The following MORC2 variants were observed in gnomAD, a reference collection of about 807,000 sequenced individuals.
The protein encoded by MORC2 is MORC family CW-type zinc finger 2.
MORC2 carries 30 observed loss-of-function variants against 136.0 expected under a neutral mutation model. The observed-to-expected ratio is 0.22, with a 90% CI of 0.17 to 0.30. The LOEUF (loss-of-function observed/expected upper bound fraction) is 0.30, where lower values mean the gene tolerates loss of function less well. Ranked by LOEUF, MORC2 falls within the 10% of genes least tolerant of loss-of-function variation. The pLI is 1.00. For missense variants in MORC2, 922 were observed against 1,333.1 expected (o/e 0.69, Z 4.80); for synonymous variants, 439 against 487.0 (o/e 0.90, Z 1.30).
intron 5 of MORC2, among the ~76,000 whole-genome samples, chr22:30,948,604 G>A (rs2040849844): frequency 6.6e-6 from 1 of 152,228 alleles, no homozygotes; most frequent in African/African-American, 2.4e-5. Context: ...AGTAGCGGAA[G>A]TGAGATTTGA....
intron 1 of MORC2, among the ~76,000 whole-genome samples, chr22:30,960,019 G>A (rs1296920222): frequency 1.3e-5 from 2 of 152,228 alleles, no homozygotes; most frequent in African/African-American, 2.4e-5. Flanking sequence ...CCAGGCTGGA[G>A]TGCGATGGCA....
chr22:30,939,384 G>A (rs937411891), intron 12 of MORC2, among the ~76,000 whole-genome samples: 4 of 152,130 alleles, frequency 2.6e-5, no homozygotes, highest in Non-Finnish European at 5.9e-5. Flanking sequence ...GGGAAGAAAA[G>A]GTAAGACAGT....
chr22:30,932,975 G>A lies in MORC2; in HGVS notation c.2436C>T (p.Val812=), dbSNP rs1175003244. 6.2e-7 allele frequency: 1 copy of A among 1,614,176 alleles called. No individual in the cohort carries two copies. Residue 812 remains valine (V), a synonymous_variant, in exon 22 of 26, where the codon GTC becomes GTT. Coordinates refer to ENST00000397641, the MANE Select transcript of MORC2 (RefSeq NM_001303256.3). This position sits in a 1 kb window ranked among gnomAD's most constrained non-coding sequence, Gnocchi z 4.4. ...RVNREWYTGR[V]TAVEVGKHVV... Reference sequence around the variant, plus strand: ...CATGCTTGCCCACCTCCACGGCTGTGACACGGCCCGTGTACCACTCCCTGT... The same window carrying A: ...CATGCTTGCCCACCTCCACGGCTGTAACACGGCCCGTGTACCACTCCCTGT...
intron 3 of MORC2, among the ~76,000 whole-genome samples, chr22:30,950,803 T>C (rs548373928): frequency 3.9e-5 from 6 of 152,322 alleles, no homozygotes; most frequent in Admixed American, 6.5e-5. Flanking sequence ...CCCTATGCCA[T>C]AGACCCCAAG....
chr22:30,934,331 ACAGG>A lies in MORC2; in HGVS notation c.2194-144_2194-141del, dbSNP rs368542571. 86 of 1,253,750 alleles carry A rather than the reference ACAGG, an allele frequency of 6.9e-5. 2 individuals are homozygous for A. The East Asian group carries it at 1.7e-3, about 25-fold the overall frequency. 77.7% of individuals were successfully genotyped at this position (1,253,750 alleles called of 1,614,324 possible). ...CTGCCTGACATTACTTGGAATGTAC[ACAGG>A]CAACCCACTGGCCCCTGCGCCATAA... On this transcript the variant is annotated intron_variant, in intron 19 of 25. Transcript: ENST00000397641. This position sits in a 1 kb window ranked among gnomAD's most constrained non-coding sequence, Gnocchi z 4.4.
intron 6 of MORC2, among the ~76,000 whole-genome samples, chr22:30,942,960 G>A (rs1048432709): frequency 2.0e-5 from 3 of 151,972 alleles, no homozygotes; most frequent in South Asian, 4.2e-4. Context: ...AGCTGAGATC[G>A]TGCCACTGCA....
At chr22:30,947,403 G>C (rs780678300) in intron 5 of MORC2, among the ~76,000 whole-genome samples, 12 of 152,236 alleles carry the variant, frequency 7.9e-5, no homozygotes, top group Non-Finnish European at 1.6e-4. Context: ...CAATGGGGCT[G>C]TTCAGCTCCT....
At position 30,946,433 on chromosome 22, in the gene MORC2, C is replaced by A; in HGVS notation, c.334G>T (p.Gly112Trp). 6.2e-7 allele frequency: 1 copy of A among 1,609,870 alleles called. No homozygotes were observed. The highest frequency in any genetic ancestry group is 8.5e-7 in the Non-Finnish European group (1 of 1,178,036). The change falls in exon 6 of 26, where the codon GGG becomes TGG. Residue 112 changes from glycine (G) to tryptophan (W), a missense_variant. Gly to Trp is a radical substitution (Grantham distance 184, BLOSUM62 -2). Transcript: ENST00000397641. The part of the protein sequence containing the change: ...NGLKSGSMRI[G>W]KDFILFTKKE... ...TTGGTGAACAGGATAAAATCCTTCC[C>A]AATGCGCATTGAGCCCCTGAAAAGG...
chr22:30,959,199 G>T (rs191182143), intron 1 of MORC2, among the ~76,000 whole-genome samples: 1 of 152,172 alleles, frequency 6.6e-6, no homozygotes, highest in Admixed American at 6.5e-5. Context: ...TGATAACTGT[G>T]TATTTACTCA....
Position 30,925,299 on chromosome 22 carries a change from G to C in MORC2, c.*1504C>G, listed in dbSNP as rs1007448829. 7.1e-6 allele frequency: 2 copies of C among 279,734 alleles called. No homozygotes were observed. Among genetic ancestry groups the C allele is most frequent in the East Asian group, 2.1e-4 (2 of 9,462 alleles). The allele number at this position is 279,734 out of a possible 1,614,324, so 17.3% of individuals were successfully genotyped here. Reference sequence around the variant, plus strand: ...CCATGCTGCCTGAGATGAAGAGAGAGAGCAGGATGGCAGAGGAATCACCAG... The same window carrying C: ...CCATGCTGCCTGAGATGAAGAGAGACAGCAGGATGGCAGAGGAATCACCAG... On this transcript the variant is annotated 3_prime_UTR_variant, in exon 26 of 26. Coordinates refer to ENST00000397641, the MANE Select transcript of MORC2 (RefSeq NM_001303256.3).
rs766463390 is a variant in MORC2 at position 30,968,757 on chromosome 22, T to C, written c.-868A>G. 6.6e-6 allele frequency among the ~76,000 whole-genome samples: 1 copy of C among 152,112 alleles called. No individual in the cohort carries two copies. The highest frequency in any genetic ancestry group is 2.1e-4 in the South Asian group (1 of 4,820). ...GCGAGCGCACCACCTGACCGGGCAC[T>C]ACCCGGATCTCACAACTGCCTTTGT... On this transcript the variant is annotated 5_prime_UTR_variant, in exon 1 of 26. Transcript: ENST00000397641.
intron 1 of MORC2, among the ~76,000 whole-genome samples, chr22:30,959,369 G>C (rs2041011175): frequency 6.6e-6 from 1 of 152,214 alleles, no homozygotes; most frequent in African/African-American, 2.4e-5. Flanking sequence ...TTAATGGAGG[G>C]AAAGTTCTGG....
chr22:30,933,069 G>T (rs2074578), intron 21 of MORC2, 39 bp from the exon 22 acceptor site: 1 of 1,610,100 alleles, frequency 6.2e-7, no homozygotes. Context: ...GAAAACTAGC[G>T]TAGAGTCCCT....
In MORC2 at chr22:30,946,353, T is replaced by G; in HGVS notation, c.414A>C (p.Glu138Asp). ...TGATGGGACCTACTTCATCAATGCCTTCTTCCTCATGAAACGTGCGAGACA... is the reference window on the plus strand; with the variant it reads ...TGATGGGACCTACTTCATCAATGCCGTCTTCCTCATGAAACGTGCGAGACA... ...LFLSRTFHEEEGIDEVIVPLP... is the reference protein window; with the variant it reads ...LFLSRTFHEEDGIDEVIVPLP... Residue 138 changes from glutamate to aspartate, a missense_variant, in exon 6 of 26, where the codon GAA (glutamate) becomes GAC (aspartate). By Grantham distance (45) the Glu-to-Asp change is conservative (BLOSUM62 2). Transcript: ENST00000397641. 1.9e-6 allele frequency: 3 copies of G among 1,608,940 alleles called. No homozygotes were observed. Among genetic ancestry groups the G allele is most frequent in the Non-Finnish European group, 2.5e-6 (3 of 1,177,278 alleles).
chr22:30,932,675 C>A lies in MORC2; in HGVS notation c.2617G>T (p.Val873Leu), dbSNP rs138350528. Residue 873 changes from valine (V) to leucine (L), a missense_variant, in exon 23 of 26, where the codon GTG becomes TTG. Val to Leu is a conservative substitution (Grantham distance 32). Around this residue, in one of 9 missense-constraint regions of MORC2, gnomAD observed 263 missense variants for 388.3 expected, o/e 0.68. Coordinates refer to ENST00000397641, the MANE Select transcript of MORC2 (RefSeq NM_001303256.3). The surrounding 1 kb of genome is among the most constrained non-coding windows in gnomAD (Gnocchi z 4.4). ...ATGGCCTGCTGGGCCACAGGGCCCA[C>A]CTCCTCCTCCCCGCCCTCCTGTTGT... ...DTQQEGGEEEVGPVAQQAIAV... is the reference protein window; with the variant it reads ...DTQQEGGEEELGPVAQQAIAV... 131 of 1,613,992 alleles carry A rather than the reference C, an allele frequency of 8.1e-5. No individual in the cohort carries two copies. The highest frequency in any genetic ancestry group is 4.0e-5 in the Non-Finnish European group (47 of 1,180,010).
intron 3 of MORC2, among the ~76,000 whole-genome samples, chr22:30,955,123 T>C (rs2040948011): frequency 6.6e-6 from 1 of 152,044 alleles, no homozygotes; most frequent in East Asian, 1.9e-4. Context: ...CACACCCGGC[T>C]AATTTTGTAT....
chr22:30,958,975 A>G (rs1018004874), intron 1 of MORC2: 1 of 286,724 alleles, frequency 3.5e-6, no homozygotes, highest in Admixed American at 4.8e-5. Flanking sequence ...GTAACTGCTA[A>G]AAGTGTTTTT....
intron 1 of MORC2, among the ~76,000 whole-genome samples, chr22:30,960,934 C>A (rs546453771): frequency 7.2e-6 from 1 of 139,190 alleles, no homozygotes; most frequent in African/African-American, 2.6e-5. Context: ...GGCGCAATCT[C>A]GGCTCACTGC....
At position 30,934,958 on chromosome 22, in the gene MORC2, C is replaced by G; in HGVS notation, c.2016G>C (p.Glu672Asp). 6.2e-7 allele frequency: 1 copy of G among 1,614,068 alleles called. No homozygotes were observed. Residue 672 changes from glutamate to aspartate, a missense_variant, in exon 19 of 26, where the codon GAG becomes GAC. Physicochemically the swap from Glu to Asp is conservative, Grantham distance 45. This residue lies in a region of MORC2 where 184 missense variants were observed against 180.3 expected (regional missense o/e 1.02). Transcript: ENST00000397641. The surrounding 1 kb of genome is among the most constrained non-coding windows in gnomAD (Gnocchi z 4.4). Reference sequence around the variant, plus strand: ...GAGTGTTGGCAGGCTTTCGGGGTGCCTCAGGTGGCTGGAGCAGCCTAGATG... The same window carrying G: ...GAGTGTTGGCAGGCTTTCGGGGTGCGTCAGGTGGCTGGAGCAGCCTAGATG... ...ASTSRLLQPP[E>D]APRKPANTLV...
Sources: gnomAD v4.1 joint callset for allele counts (sites outside exome capture counted in the v4.1 genomes callset) on GRCh38, gnomAD v4.1.1 for gene constraint, gnomAD v4.1.1 regional missense constraint, Gnocchi (gnomAD v3.1) non-coding constraint, MANE v1.5 for transcripts, NCBI Gene and HGNC (gene_info 2026-07-23, HGNC 2026-07-21) for gene names.